Variants in RHBDD1 observed in about 807,000 individuals in gnomAD.
RHBDD1 encodes rhomboid-related protein 4.
A neutral mutation model predicts 36.3 loss-of-function variants in RHBDD1; 38 were observed. The ratio of observed to expected loss-of-function variants is 1.05; its 90% CI spans 0.81 to 1.37. The LOEUF is 1.37. Ranked by LOEUF, RHBDD1 falls within the 40% of genes most tolerant of loss-of-function variation. RHBDD1 has a pLI of 0.00. For missense variants in RHBDD1, 393 were observed against 377.6 expected, an observed-to-expected ratio of 1.04 and a Z score of -0.34; for synonymous variants, 151 against 136.5, an observed-to-expected ratio of 1.11 and a Z score of -0.74.
chr2:226,966,036 G>A (rs1206913474), intron 8 of RHBDD1, among the ~76,000 whole-genome samples: 1 of 152,112 alleles, frequency 6.6e-6, no homozygotes, highest in Non-Finnish European at 1.5e-5. Context: ...CCATGATCAA[G>A]TAGGCATCAT....
intron 5 of RHBDD1, among the ~76,000 whole-genome samples, chr2:226,875,978 T>C (rs1042416197): frequency 1.3e-5 from 2 of 152,236 alleles, no homozygotes; most frequent in African/African-American, 4.8e-5. Flanking sequence ...ATTAGTTTCC[T>C]AAGTTTACTT....
upstream of RHBDD1, among the ~76,000 whole-genome samples, chr2:226,831,155 G>A (rs1029296832): frequency 2.6e-5 from 4 of 152,160 alleles, no homozygotes; most frequent in African/African-American, 7.2e-5. Context: ...GTGGAGAACT[G>A]TTCTATTTTC....
At chr2:226,886,511 C>T (rs139879687) in intron 5 of RHBDD1, among the ~76,000 whole-genome samples, 52 of 152,304 alleles carry the variant, frequency 3.4e-4, no homozygotes, top group African/African-American at 1.2e-3. Context: ...TGGAGTAGGA[C>T]AGTGGAAGCT....
At chr2:226,826,144 C>T in the RHBDD1 span, among the ~76,000 whole-genome samples, 4 of 151,974 alleles carry the variant, frequency 2.6e-5, no homozygotes, top group Admixed American at 6.6e-5. Context: ...AACATGTAGA[C>T]GATGCATGAG....
chr2:226,850,689 CAG>C (rs1360922084), intron 3 of RHBDD1, among the ~76,000 whole-genome samples: 1 of 152,104 alleles, frequency 6.6e-6, no homozygotes, highest in South Asian at 2.1e-4. Context: ...AAATCTAAGA[CAG>C]AGTGATTTTT....
intron 5 of RHBDD1, among the ~76,000 whole-genome samples, chr2:226,891,247 G>C (rs1946657762): frequency 6.6e-6 from 1 of 152,112 alleles, no homozygotes; most frequent in Non-Finnish European, 1.5e-5. Flanking sequence ...TGTGGTTGTG[G>C]GAGGAATTCA....
chr2:226,922,256 G>A (rs963259076), intron 8 of RHBDD1, among the ~76,000 whole-genome samples: 1 of 134,454 alleles, frequency 7.4e-6, no homozygotes, highest in Non-Finnish European at 1.5e-5. Flanking sequence ...CGCCCAGGCT[G>A]GAGTGCAGTG....
chr2:226,937,380 A>G (rs1449022437), intron 8 of RHBDD1, among the ~76,000 whole-genome samples: 1 of 152,182 alleles, frequency 6.6e-6, no homozygotes, highest in Non-Finnish European at 1.5e-5. Context: ...TGATATTTTC[A>G]GTGAATAAAA....
In RHBDD1 at chr2:226,906,866, A is replaced by G. The variant is rs769427391; in HGVS notation, c.640A>G (p.Met214Val). The G allele has an allele frequency of 1.9e-6, 3 of 1,614,186 alleles. No individual in the cohort carries two copies. The highest frequency in any genetic ancestry group is 2.5e-6 in the Non-Finnish European group (3 of 1,179,990). The change falls in exon 6 of 9, where the codon ATG (methionine) becomes GTG (valine). Residue 214 changes from methionine to valine, a missense_variant. Coordinates refer to ENST00000392062, the MANE Select transcript of RHBDD1 (RefSeq NM_001167608.3). ...MYTQGPLKKI[M>V]EACAGGFSSS... ...CACTCAAGGGCCTCTGAAGAAAATC[A>G]TGGAAGCATGTGCAGGTACAGAATA...
chr2:226,806,341 C>CCT, the RHBDD1 span, among the ~76,000 whole-genome samples: 4 of 150,930 alleles, frequency 2.7e-5, no homozygotes, highest in Non-Finnish European at 4.4e-5. Context: ...CTGTGTCCCA[C>CCT]CTCTGATCCT....
chr2:226,964,108 C>T (rs1398223548), intron 8 of RHBDD1, among the ~76,000 whole-genome samples: 2 of 152,194 alleles, frequency 1.3e-5, no homozygotes, highest in East Asian at 3.9e-4. Context: ...CCTCTCCTAT[C>T]TTGAGAGAGA....
chr2:226,859,776 T>C (rs1199279030), intron 3 of RHBDD1, among the ~76,000 whole-genome samples: 1 of 152,082 alleles, frequency 6.6e-6, no homozygotes, highest in Admixed American at 6.5e-5. Flanking sequence ...CATACAGTTA[T>C]GGGGAAGAGT....
At chr2:226,803,333 T>TGA in the RHBDD1 span, among the ~76,000 whole-genome samples, 4,025 of 147,738 alleles carry the variant, frequency 0.027, 75 homozygotes, top group Non-Finnish European at 0.037. Context: ...TGTGTGTGTG[T>TGA]GAGAGAGAGA....
chr2:226,950,647 T>C (rs970555643), intron 8 of RHBDD1, among the ~76,000 whole-genome samples: 2 of 152,190 alleles, frequency 1.3e-5, no homozygotes, highest in Non-Finnish European at 2.9e-5. Context: ...CCAAGACTTA[T>C]CTTTCATCTT....
At chr2:226,816,112 A>G in the RHBDD1 span, among the ~76,000 whole-genome samples, 1 of 152,204 alleles carries the variant, frequency 6.6e-6, no homozygotes, top group Admixed American at 6.5e-5. Context: ...GACTAAGGTC[A>G]TCACATCTGG....
chr2:226,910,136 G>A (rs566964661), intron 7 of RHBDD1, among the ~76,000 whole-genome samples: 1 of 152,238 alleles, frequency 6.6e-6, no homozygotes, highest in African/African-American at 2.4e-5. Context: ...TTACAAAATA[G>A]GGCAGTTCTA....
the RHBDD1 span, among the ~76,000 whole-genome samples, chr2:226,814,234 G>A: frequency 2.0e-5 from 3 of 151,968 alleles, no homozygotes; most frequent in Non-Finnish European, 4.4e-5. Flanking sequence ...TCAGCAACCT[G>A]TAACCAACAC....
intron 5 of RHBDD1, among the ~76,000 whole-genome samples, chr2:226,905,835 G>A (rs73992269): frequency 0.022 from 3,362 of 152,246 alleles, 126 homozygotes; most frequent in African/African-American, 0.077. Context: ...TTACAAACGG[G>A]AAGTGGGAGT....
the RHBDD1 span, among the ~76,000 whole-genome samples, chr2:226,819,105 C>G: frequency 1.3e-5 from 2 of 152,192 alleles, no homozygotes; most frequent in Non-Finnish European, 2.9e-5. Flanking sequence ...ATCCTCTAGG[C>G]ACTTGAATTT....
Sources: allele counts gnomAD v4.1 joint callset (sites outside exome capture counted in the v4.1 genomes callset), GRCh38; gene constraint gnomAD v4.1.1; transcripts MANE v1.5; gene names NCBI Gene and HGNC (gene_info 2026-07-23, HGNC 2026-07-21).